COL26A1: variants seen among roughly 807,000 people sequenced by gnomAD.
COL26A1 encodes the protein collagen alpha-1(XXVI) chain.
COL26A1 carries 41 observed loss-of-function variants against 59.3 expected under a neutral mutation model. That is an observed-to-expected ratio of 0.69 (90% CI 0.54 to 0.90). COL26A1 has a LOEUF of 0.90. Ranked by LOEUF, COL26A1 falls within the 40% of genes least tolerant of loss-of-function variation. The pLI is 0.00. For synonymous variants in COL26A1, 266 were observed against 256.0 expected, an observed-to-expected ratio of 1.04 and a Z score of -0.37; for missense variants, 612 against 602.3, an observed-to-expected ratio of 1.02 and a Z score of -0.17.
At chr7:101,484,172 A>C (rs1350723673) in intron 3 of COL26A1, among the ~76,000 whole-genome samples, 1 of 151,784 alleles carries the variant, frequency 6.6e-6, no homozygotes, top group Non-Finnish European at 1.5e-5. Context: ...TTTTATTTAC[A>C]CTTTCTAAGC....
At chr7:101,453,762 TAAA>T (rs1562987862) in intron 3 of COL26A1, among the ~76,000 whole-genome samples, 1 of 152,134 alleles carries the variant, frequency 6.6e-6, no homozygotes, top group Non-Finnish European at 1.5e-5. Flanking sequence ...TTCCCGAATA[TAAA>T]CCAATAAAGA....
intron 3 of COL26A1, among the ~76,000 whole-genome samples, chr7:101,448,712 G>A (rs923842871): frequency 6.6e-6 from 1 of 151,936 alleles, no homozygotes; most frequent in East Asian, 1.9e-4. Context: ...AGGCTGTCTC[G>A]AACTCCTTGG....
intron 1 of COL26A1, among the ~76,000 whole-genome samples, chr7:101,373,452 C>A (rs1791239273): frequency 6.6e-6 from 1 of 152,160 alleles, no homozygotes; most frequent in Non-Finnish European, 1.5e-5. Flanking sequence ...AGTTTTCAAC[C>A]CCAAATTTCA....
intron 9 of COL26A1, among the ~76,000 whole-genome samples, chr7:101,550,219 G>T (rs150441420): frequency 0.037 from 5,596 of 152,306 alleles, 109 homozygotes; most frequent in Middle Eastern, 0.12. Context: ...CCAGCACTTT[G>T]GGAGGCTAAG....
At chr7:101,556,209 C>T (rs1025238180) in intron 12 of COL26A1, among the ~76,000 whole-genome samples, 2 of 152,212 alleles carry the variant, frequency 1.3e-5, no homozygotes, top group East Asian at 1.9e-4. Context: ...TCAAAGATCT[C>T]GGCCTCTGTG....
intron 3 of COL26A1, among the ~76,000 whole-genome samples, chr7:101,506,067 C>G (rs573789481): frequency 6.6e-6 from 1 of 152,322 alleles, no homozygotes; most frequent in South Asian, 2.1e-4. Context: ...TTGAATTCTC[C>G]TTCTGTCCTT....
At chr7:101,377,230 C>T (rs9987065) in intron 1 of COL26A1, among the ~76,000 whole-genome samples, 9,292 of 152,026 alleles carry the variant, frequency 0.061, 642 homozygotes, top group African/African-American at 0.16. Flanking sequence ...TCAGTCTCAA[C>T]CTCCTGGCCT....
rs147590538 is a variant in COL26A1, at chr7:101,545,920, C to T, written c.856+430C>T. Among the ~76,000 whole-genome samples the T allele has an allele frequency of 3.1e-3, 466 of 152,362 alleles. 1 individual carries two copies. The highest frequency in any genetic ancestry group is 6.3e-3 in the African/African-American group (261 of 41,594). On this transcript the variant is annotated intron_variant, in intron 7 of 12. Transcript: ENST00000313669. ...TCCCTTATTGTACTTGTTCCTCACC[C>T]GCCCTCACTGCAGGTCATTCAGCAG... is the stretch of plus-strand genomic sequence containing the variant.
chr7:101,529,613 C>A (rs781328828), intron 3 of COL26A1, among the ~76,000 whole-genome samples: 1 of 152,128 alleles, frequency 6.6e-6, no homozygotes, highest in Admixed American at 6.6e-5. Flanking sequence ...AATCCTCATA[C>A]CCCATCTTTA....
At chr7:101,465,254 G>C (rs1440349538) in intron 3 of COL26A1, among the ~76,000 whole-genome samples, 1 of 151,812 alleles carries the variant, frequency 6.6e-6, no homozygotes, top group Admixed American at 6.6e-5. Flanking sequence ...TGCTGAGGCT[G>C]CTCTCCAACT....
chr7:101,539,735 G>A (rs1411508707), intron 4 of COL26A1, among the ~76,000 whole-genome samples, 158 bp from the exon 5 acceptor site: 3 of 152,180 alleles, frequency 2.0e-5, no homozygotes, highest in African/African-American at 7.2e-5. Flanking sequence ...GGGAACCTGG[G>A]CCACGAGTGA....
At chr7:101,542,260 C>T (rs1017397373) in intron 5 of COL26A1, among the ~76,000 whole-genome samples, 9 of 152,126 alleles carry the variant, frequency 5.9e-5, no homozygotes, top group Non-Finnish European at 1.2e-4. Context: ...AGCCAGCACA[C>T]GCAGCCTAAT....
At chr7:101,450,850 A>T (rs1793317776) in intron 3 of COL26A1, among the ~76,000 whole-genome samples, 1 of 147,186 alleles carries the variant, frequency 6.8e-6, no homozygotes, top group Non-Finnish European at 1.5e-5. Context: ...GTCTATATGA[A>T]TATGGAATGT....
At chr7:101,535,341 G>A (rs1795459903) in intron 4 of COL26A1, among the ~76,000 whole-genome samples, 1 of 152,212 alleles carries the variant, frequency 6.6e-6, no homozygotes, top group Non-Finnish European at 1.5e-5. Context: ...GCCATGCCCA[G>A]CCTGATGGAC....
intron 3 of COL26A1, 21 bp from the exon 4 acceptor site, chr7:101,533,061 T>G: frequency 6.3e-7 from 1 of 1,588,180 alleles, no homozygotes; most frequent in Non-Finnish European, 8.6e-7. Context: ...TGCTCTCATA[T>G]AAGTTCCTCT....
chr7:101,425,401 G>T (rs1363663934), intron 2 of COL26A1, among the ~76,000 whole-genome samples: 1 of 152,138 alleles, frequency 6.6e-6, no homozygotes, highest in Non-Finnish European at 1.5e-5. Flanking sequence ...TGTCTCATTG[G>T]CTGCTGTGTT....
At chr7:101,512,963 G>T (rs1335409794) in intron 3 of COL26A1, among the ~76,000 whole-genome samples, 1 of 151,880 alleles carries the variant, frequency 6.6e-6, no homozygotes, top group African/African-American at 2.4e-5. Flanking sequence ...CATTGCACTA[G>T]TGTGAGACAT....
intron 1 of COL26A1, among the ~76,000 whole-genome samples, chr7:101,405,898 G>A (rs535100055): frequency 6.6e-6 from 1 of 152,346 alleles, no homozygotes; most frequent in Non-Finnish European, 1.5e-5. Context: ...TGTGGGGCTG[G>A]CTCTCAGGTG....
In COL26A1 at chr7:101,543,995, C is replaced by A; in HGVS notation, c.605-3C>A. ...CTGATGCCCTGTCTCCTTCTCTCCC[C>A]AGGGCCCCCGGGGCAGACAGGACCA... On this transcript the variant is annotated splice_polypyrimidine_tract_variant and splice_region_variant and intron_variant, in intron 5 of 12. Transcript: ENST00000313669. 1 of 1,558,916 alleles carries A rather than the reference C, an allele frequency of 6.4e-7. No homozygotes were observed.
Sources: gnomAD v4.1 joint callset for allele counts (sites outside exome capture counted in the v4.1 genomes callset) on GRCh38, gnomAD v4.1.1 for gene constraint, MANE v1.5 for transcripts, NCBI Gene and HGNC (gene_info 2026-07-23, HGNC 2026-07-21) for gene names.